PIBF1: variants seen among roughly 807,000 people sequenced by gnomAD.
PIBF1 encodes progesterone immunomodulatory binding factor 1.
PIBF1 carries 90 observed loss-of-function variants against 112.5 expected under a neutral mutation model. The observed-to-expected ratio is 0.80, with a 90% CI of 0.67 to 0.95. The LOEUF is 0.95. Ranked by LOEUF, PIBF1 falls within the 40% of genes least tolerant of loss-of-function variation. The pLI is 0.00. For synonymous variants in PIBF1, 301 were observed against 288.6 expected, an observed-to-expected ratio of 1.04 and a Z score of -0.44; for missense variants, 915 against 852.3, an observed-to-expected ratio of 1.07 and a Z score of -0.92.
chr13:72,852,853 C>T (rs2138315324), intron 9 of PIBF1, among the ~76,000 whole-genome samples: 1 of 152,192 alleles, frequency 6.6e-6, no homozygotes, highest in South Asian at 2.1e-4. Context: ...GTAAAAAGCC[C>T]TGGCTTTGGA....
chr13:72,904,702 A>G (rs1036596166), intron 11 of PIBF1, among the ~76,000 whole-genome samples: 3 of 151,564 alleles, frequency 2.0e-5, no homozygotes, highest in African/African-American at 7.3e-5. Context: ...TGTCCTCCCA[A>G]AGTGCTGGGA....
rs1236234002 is a variant in PIBF1, at chr13:72,827,025, TG to T, written c.823del (p.Glu275AsnfsTer4). ...ATTTTAACAGTGAACGTGATGCACTTGAACAGGAAGTAATTGAGCTTAGGAG... is the reference window on the plus strand; with the variant it reads ...ATTTTAACAGTGAACGTGATGCACTTAACAGGAAGTAATTGAGCTTAGGAG... ...DKVKSERDAL[E>X]QEVIELRRKH... On this transcript the variant is annotated frameshift_variant, in exon 7 of 18. Coordinates refer to ENST00000326291, the MANE Select transcript of PIBF1 (RefSeq NM_006346.4). LOFTEE classifies it high-confidence loss of function. 6.3e-7 allele frequency: 1 copy of T among 1,597,988 alleles called. No homozygotes were observed. The highest frequency in any genetic ancestry group is 2.2e-5 in the East Asian group (1 of 44,512).
chr13:72,990,179 A>G (rs552122315), intron 16 of PIBF1, among the ~76,000 whole-genome samples: 1 of 141,352 alleles, frequency 7.1e-6, no homozygotes, highest in African/African-American at 2.7e-5. Context: ...GCACCACTGC[A>G]TTCCAGCCTG....
rs527863927 is a variant in PIBF1 at position 72,997,995 on chromosome 13, G to A, written c.2050-827G>A. ...AAAAGTTCATCACAATTAATTCTTA[G>A]TTCAAAGGGCAACTGAAGCCAACCC... On this transcript the variant is annotated intron_variant, in intron 16 of 17. Coordinates refer to ENST00000326291, the MANE Select transcript of PIBF1 (RefSeq NM_006346.4). Among the ~76,000 whole-genome samples, 8 of 152,258 alleles carry A rather than the reference G, an allele frequency of 5.3e-5. No individual in the cohort carries two copies. The South Asian group carries it at 1.4e-3, about 28-fold the overall frequency.
At chr13:72,995,244 T>C (rs2043610604) in intron 16 of PIBF1, among the ~76,000 whole-genome samples, 1 of 145,834 alleles carries the variant, frequency 6.9e-6, no homozygotes, top group East Asian at 2.0e-4. Flanking sequence ...GAGGTTGCAG[T>C]GAGCCGAGAT....
chr13:72,994,687 C>G lies in PIBF1; in HGVS notation c.2050-4135C>G, dbSNP rs1049306381. Among the ~76,000 whole-genome samples, 11 of 152,258 alleles carry G rather than the reference C, an allele frequency of 7.2e-5. 1 individual carries two copies. Among genetic ancestry groups the G allele is most frequent in the Admixed American group, 3.9e-4 (6 of 15,292 alleles). On this transcript the variant is annotated intron_variant, in intron 16 of 17. Coordinates refer to ENST00000326291, the MANE Select transcript of PIBF1 (RefSeq NM_006346.4). ...CAAATGCAAACAATGAGAGCGGAAT[C>G]TGAAATACGAGATGAAGCCAATACC...
At chr13:72,914,445 A>G (rs1397032741) in intron 12 of PIBF1, among the ~76,000 whole-genome samples, 2 of 151,812 alleles carry the variant, frequency 1.3e-5, no homozygotes, top group African/African-American at 4.8e-5. Flanking sequence ...TCATACTTAT[A>G]ACCTTCACTA....
intron 10 of PIBF1, among the ~76,000 whole-genome samples, chr13:72,870,816 CAA>C (rs1406131649): frequency 1.7e-5 from 2 of 120,400 alleles, no homozygotes; most frequent in Admixed American, 8.3e-5. Context: ...ATAGAAGAAA[CAA>C]AAGAATTTTC....
intron 10 of PIBF1, among the ~76,000 whole-genome samples, chr13:72,865,838 T>A (rs2138396938): frequency 6.6e-6 from 1 of 152,314 alleles, no homozygotes; most frequent in Middle Eastern, 3.4e-3. Context: ...AGTAGGTATA[T>A]TTTTGTTCTC....
At chr13:72,945,989 G>A (rs2042139113) in intron 14 of PIBF1, among the ~76,000 whole-genome samples, 1 of 152,034 alleles carries the variant, frequency 6.6e-6, no homozygotes, top group Admixed American at 6.6e-5. Context: ...CCCCTGAGTT[G>A]GCCAGTGTGT....
chr13:72,980,533 G>T (rs2043131772), intron 16 of PIBF1, among the ~76,000 whole-genome samples: 1 of 152,178 alleles, frequency 6.6e-6, no homozygotes, highest in Non-Finnish European at 1.5e-5. Context: ...GGTGGCTCAT[G>T]CCTGTAATCC....
intron 10 of PIBF1, among the ~76,000 whole-genome samples, chr13:72,854,685 A>C (rs1259060136): frequency 6.6e-6 from 1 of 152,144 alleles, no homozygotes; most frequent in Non-Finnish European, 1.5e-5. Context: ...ATTTTTTGAA[A>C]GTGTGTGTTT....
chr13:72,798,210 CA>C (rs2035291652), intron 5 of PIBF1, among the ~76,000 whole-genome samples, 184 bp downstream of exon 5: 2 of 152,280 alleles, frequency 1.3e-5, no homozygotes, highest in South Asian at 4.1e-4. Flanking sequence ...ATTGACAAGA[CA>C]AGTCTGTGTT....
chr13:72,820,791 G>A (rs2036522113), intron 5 of PIBF1, among the ~76,000 whole-genome samples: 1 of 152,170 alleles, frequency 6.6e-6, no homozygotes, highest in South Asian at 2.1e-4. Flanking sequence ...TCTGAAGGTG[G>A]AGTTGATGAT....
intron 14 of PIBF1, among the ~76,000 whole-genome samples, chr13:72,938,131 G>A (rs574194860): frequency 8.5e-5 from 13 of 152,312 alleles, no homozygotes; most frequent in Non-Finnish European, 1.8e-4. Flanking sequence ...AATTCTCACA[G>A]ATATGGAATA....
intron 2 of PIBF1, among the ~76,000 whole-genome samples, chr13:72,789,255 G>T (rs753039503): frequency 6.6e-6 from 1 of 152,090 alleles, no homozygotes; most frequent in Non-Finnish European, 1.5e-5. Context: ...CTTGATCACA[G>T]CTCTCTGCAG....
intron 11 of PIBF1, 93 bp from the exon 12 acceptor site, chr13:72,908,438 A>C: frequency 1.6e-6 from 1 of 609,102 alleles, no homozygotes; most frequent in Non-Finnish European, 2.6e-6. Flanking sequence ...TTAAATAACA[A>C]AAAAAGCCCT....
At chr13:72,794,910 A>T (rs2035114617) in intron 3 of PIBF1, among the ~76,000 whole-genome samples, 1 of 152,172 alleles carries the variant, frequency 6.6e-6, no homozygotes, top group South Asian at 2.1e-4. Flanking sequence ...GAGAATGATG[A>T]GTATGTGCAG....
chr13:73,003,633 G>A (rs1200922858), intron 17 of PIBF1, among the ~76,000 whole-genome samples: 1 of 152,118 alleles, frequency 6.6e-6, no homozygotes, highest in South Asian at 2.1e-4. Flanking sequence ...CATTAAGACA[G>A]CATCAGCATT....
Sources: gnomAD v4.1 joint callset for allele counts (sites outside exome capture counted in the v4.1 genomes callset) on GRCh38, gnomAD v4.1.1 for gene constraint, MANE v1.5 for transcripts, NCBI Gene and HGNC (gene_info 2026-07-23, HGNC 2026-07-21) for gene names.